The following TULP4 variants were observed in gnomAD, a reference collection of about 807,000 sequenced individuals.
TULP4 encodes tubby-related protein 4.
A neutral mutation model predicts 129.0 loss-of-function variants in TULP4; 16 were observed. The observed-to-expected ratio is 0.12, with a 90% CI of 0.08 to 0.19. The LOEUF is 0.19. Ranked by LOEUF, TULP4 falls within the 10% of genes least tolerant of loss-of-function variation. The probability of loss-of-function intolerance (pLI) is 1.00; values close to 1 mark genes in which losing one functional copy is unlikely to be tolerated. For missense variants in TULP4, 1,842 were observed against 2,059.1 expected, an observed-to-expected ratio of 0.89 and a Z score of 2.04; for synonymous variants, 998 against 854.0, an observed-to-expected ratio of 1.17 and a Z score of -2.94.
intron 3 of TULP4, among the ~76,000 whole-genome samples, chr6:158,433,056 T>C (rs540749936): frequency 6.6e-6 from 1 of 152,338 alleles, no homozygotes; most frequent in African/African-American, 2.4e-5. Context: ...TCATAGTCTT[T>C]TTTGGTTTTT....
chr6:158,452,227 A>G lies in TULP4; in HGVS notation c.818A>G (p.Tyr273Cys). The G allele has an allele frequency of 6.2e-7, 1 of 1,614,194 alleles. No homozygotes were observed. Among genetic ancestry groups the G allele is most frequent in the Non-Finnish European group, 8.5e-7 (1 of 1,180,028 alleles). Residue 273 changes from tyrosine (Y) to cysteine (C), a missense_variant, in exon 5 of 14, where the codon TAC becomes TGC. By Grantham distance (194) the Tyr-to-Cys change is radical. Around this residue, in one of 5 missense-constraint regions of TULP4, gnomAD observed 456 missense variants for 534.3 expected, o/e 0.85. Coordinates refer to ENST00000367097, the MANE Select transcript of TULP4 (RefSeq NM_020245.5). ...GGAGACATCAGCTTAATGAACAACT[A>G]CGATGACTTGTCTCCCACGGTCATC... Reference protein sequence around the residue: ...TSGDISLMNNYDDLSPTVIRS... With the variant: ...TSGDISLMNNCDDLSPTVIRS...
At chr6:158,415,582 G>A (rs1330521970) in intron 2 of TULP4, among the ~76,000 whole-genome samples, 2 of 148,322 alleles carry the variant, frequency 1.3e-5, no homozygotes, top group East Asian at 2.0e-4. Flanking sequence ...GGATGGTCTC[G>A]ATCTCCTGAC....
intron 1 of TULP4, among the ~76,000 whole-genome samples, chr6:158,288,591 C>G (rs1016710054): frequency 6.6e-6 from 1 of 151,952 alleles, no homozygotes; most frequent in Non-Finnish European, 1.5e-5. Flanking sequence ...AGCTCCGCCT[C>G]CCGGGTTCAC....
chr6:158,235,066 C>CAG (rs1777662642), intron 1 of TULP4, among the ~76,000 whole-genome samples: 1 of 151,856 alleles, frequency 6.6e-6, no homozygotes, highest in Admixed American at 6.6e-5. Context: ...ACCTGAGAGG[C>CAG]AGAGGCAAAA....
Position 158,502,986 on chromosome 6 carries a change from C to T in TULP4, c.3323C>T (p.Pro1108Leu), listed in dbSNP as rs746209791. The change falls in exon 13 of 14, where the codon CCC becomes CTC. Residue 1108 changes from proline (P) to leucine (L), a missense_variant. By Grantham distance (98) the Pro-to-Leu change is moderately conservative. Transcript: ENST00000367097. ...CQLEKPLRHP[P>L]LPEAAVTLKR... is the part of the protein sequence containing the mutation. ...CTTGAGAAGCCCTTGAGGCACCCTC[C>T]CCTGCCTGAAGCTGCTGTCACCCTG... 1 of 1,614,050 alleles carries T rather than the reference C, an allele frequency of 6.2e-7. No individual in the cohort carries two copies.
At chr6:158,355,755 T>C (rs828005) in intron 1 of TULP4, among the ~76,000 whole-genome samples, 142,444 of 152,246 alleles carry the variant, frequency 0.94, 66,707 homozygotes, top group Admixed American at 0.96. Flanking sequence ...AGAATGACTC[T>C]CAACTTATGA....
chr6:158,295,596 A>C (rs1167236143), intron 1 of TULP4, among the ~76,000 whole-genome samples: 1 of 152,182 alleles, frequency 6.6e-6, no homozygotes, highest in Non-Finnish European at 1.5e-5. Context: ...GTAAAGAAAT[A>C]TGGCCAGCAT....
chr6:158,453,997 A>C, intron 5 of TULP4, among the ~76,000 whole-genome samples: 1 of 148,242 alleles, frequency 6.7e-6, no homozygotes. Flanking sequence ...GTTGGTTGGC[A>C]AGAATCATAC....
At chr6:158,501,561 G>A in intron 12 of TULP4, 117 bp from the exon 13 acceptor site, 1 of 1,059,312 alleles carries the variant, frequency 9.4e-7, no homozygotes, top group African/African-American at 1.6e-5. Context: ...CTCTGTCTCT[G>A]GCAATTTGCA....
intron 1 of TULP4, among the ~76,000 whole-genome samples, chr6:158,316,894 A>T (rs1249542198): frequency 3.3e-5 from 5 of 152,232 alleles, no homozygotes; most frequent in Non-Finnish European, 7.3e-5. Context: ...AGTCCCAGCC[A>T]TGTGGCCCTC....
chr6:158,363,481 T>G (rs113886221), intron 1 of TULP4, among the ~76,000 whole-genome samples: 1,953 of 152,302 alleles, frequency 0.013, 43 homozygotes, highest in African/African-American at 0.045. Flanking sequence ...ACATTTTTTT[T>G]GTTTTTGTTT....
intron 11 of TULP4, among the ~76,000 whole-genome samples, chr6:158,498,400 A>G (rs1780375148): frequency 6.6e-6 from 1 of 152,238 alleles, no homozygotes; most frequent in Non-Finnish European, 1.5e-5. Flanking sequence ...TAACATTTGA[A>G]ATTTGTAGTT....
intron 1 of TULP4, among the ~76,000 whole-genome samples, chr6:158,235,463 T>C (rs1777673399): frequency 6.6e-6 from 1 of 152,204 alleles, no homozygotes; most frequent in Non-Finnish European, 1.5e-5. Flanking sequence ...TAGCGTGATA[T>C]CCTCAGGGTT....
At chr6:158,339,711 C>G (rs969206066) in intron 1 of TULP4, among the ~76,000 whole-genome samples, 9 of 152,158 alleles carry the variant, frequency 5.9e-5, no homozygotes, top group African/African-American at 1.9e-4. Context: ...GGCAGCCAAA[C>G]TTTAAGGTTA....
At chr6:158,311,285 G>C (rs1779345529), upstream of TULP4, among the ~76,000 whole-genome samples, 3 of 152,128 alleles carry the variant, frequency 2.0e-5, no homozygotes, top group Admixed American at 2.0e-4. Context: ...GGGCTGGGCC[G>C]CTTCAGCTGC....
In TULP4 at chr6:158,449,158, G is replaced by A; in HGVS notation, c.706G>A (p.Asp236Asn). 1 of 1,613,258 alleles carries A rather than the reference G, an allele frequency of 6.2e-7. No individual in the cohort carries two copies. Reference protein sequence around the residue: ...DSSESDTDSDDYAPPQDGPAA... With the variant: ...DSSESDTDSDNYAPPQDGPAA... Reference sequence around the variant, plus strand: ...CAGCGAGAGCGACACGGACTCAGATGACTACGCCCCTCCCCAAGGTACTCA... The same window carrying A: ...CAGCGAGAGCGACACGGACTCAGATAACTACGCCCCTCCCCAAGGTACTCA... Residue 236 changes from aspartate (D) to asparagine (N), a missense_variant, in exon 4 of 14, where the codon GAC becomes AAC. By Grantham distance (23) the Asp-to-Asn change is conservative. This residue lies in a region of TULP4 where 456 missense variants were observed against 534.3 expected (regional missense o/e 0.85). Transcript: ENST00000367097.
intron 1 of TULP4, among the ~76,000 whole-genome samples, chr6:158,260,290 C>G (rs1393893561): frequency 1.3e-5 from 2 of 152,160 alleles, no homozygotes; most frequent in East Asian, 3.8e-4. Flanking sequence ...AGGGCAAAAC[C>G]CAGATATATT....
intron 6 of TULP4, among the ~76,000 whole-genome samples, chr6:158,470,026 T>G (rs1012603045): frequency 1.3e-5 from 2 of 152,044 alleles, no homozygotes; most frequent in African/African-American, 4.8e-5. Context: ...GCAGTGGGTG[T>G]TATAGCTCTA....
rs1206513643 is a variant in TULP4 at position 158,240,598 on chromosome 6, G to A, written n.68+8295G>A. On this transcript the variant is annotated intron_variant and non_coding_transcript_variant, in intron 1 of 1. Transcript: ENST00000620026. ...TCCTCACTTCCCAGTAGGGGCGGCC[G>A]GGCAGAGGCGCCCCTCACCTCCCAG... Among the ~76,000 whole-genome samples the A allele has an allele frequency of 7.9e-5, 8 of 101,830 alleles. 1 individual carries two copies. The highest frequency in any genetic ancestry group is 1.4e-4 in the Non-Finnish European group (6 of 44,016). 66.8% of individuals were successfully genotyped at this position (101,830 alleles called of 152,430 possible).
Sources: allele counts gnomAD v4.1 joint callset (sites outside exome capture counted in the v4.1 genomes callset), GRCh38; gene constraint gnomAD v4.1.1; regional missense constraint gnomAD v4.1.1; transcripts MANE v1.5; gene names NCBI Gene and HGNC (gene_info 2026-07-23, HGNC 2026-07-21).